FAM171B: variants seen among roughly 807,000 people sequenced by gnomAD.
The protein encoded by FAM171B is protein FAM171B.
A neutral mutation model predicts 75.6 loss-of-function variants in FAM171B; 19 were observed. The ratio of observed to expected loss-of-function variants is 0.25; its 90% CI spans 0.18 to 0.37. The LOEUF (loss-of-function observed/expected upper bound fraction) is 0.37. Ranked by LOEUF, FAM171B falls within the 10% of genes least tolerant of loss-of-function variation. FAM171B has a pLI of 1.00. For missense variants in FAM171B, 848 were observed against 982.4 expected (o/e 0.86, Z 1.83); for synonymous variants, 367 against 361.7 (o/e 1.01, Z -0.17).
chr2:186,765,043 A>G lies in FAM171B; in HGVS notation c.*2220A>G, dbSNP rs1377517021. On this transcript the variant is annotated 3_prime_UTR_variant, in exon 8 of 8. Coordinates refer to ENST00000304698, the MANE Select transcript of FAM171B (RefSeq NM_177454.4). ...TTGTTTGCTTTCAGAATAAAACCTT[A>G]TTATTTTTTACACTGCACATGCTGT... 2 of 151,904 alleles carry G rather than the reference A, an allele frequency of 1.3e-5. No homozygotes were observed. Among genetic ancestry groups the G allele is most frequent in the Non-Finnish European group, 2.9e-5 (2 of 67,868 alleles). 9.4% of individuals were successfully genotyped at this position (151,904 alleles called of 1,614,324 possible).
chr2:186,713,019 T>A (rs1332114328), intron 1 of FAM171B, among the ~76,000 whole-genome samples: 1 of 152,212 alleles, frequency 6.6e-6, no homozygotes, highest in Non-Finnish European at 1.5e-5. Context: ...GGGCAATCAA[T>A]CAACTGCTTT....
chr2:186,726,047 A>C (rs1690027772), intron 1 of FAM171B, among the ~76,000 whole-genome samples: 1 of 152,200 alleles, frequency 6.6e-6, no homozygotes, highest in South Asian at 2.1e-4. Flanking sequence ...CTTAAGTTGT[A>C]AAGGCTCTTT....
At chr2:186,724,687 G>A (rs1187714067) in intron 1 of FAM171B, among the ~76,000 whole-genome samples, 1 of 152,146 alleles carries the variant, frequency 6.6e-6, no homozygotes, top group Non-Finnish European at 1.5e-5. Flanking sequence ...AGAAAGTGAG[G>A]GAGTATGCCA....
At chr2:186,711,653 T>TA (rs1267057669) in intron 1 of FAM171B, among the ~76,000 whole-genome samples, 1 of 151,806 alleles carries the variant, frequency 6.6e-6, no homozygotes, top group Admixed American at 6.6e-5. Context: ...AAATTATTAT[T>TA]TTTTTTTGCC....
intron 1 of FAM171B, among the ~76,000 whole-genome samples, chr2:186,697,908 G>T (rs1689605362): frequency 6.6e-6 from 1 of 151,918 alleles, no homozygotes; most frequent in African/African-American, 2.4e-5. Context: ...TAAAAATCAG[G>T]ATTTAAAAAA....
At chr2:186,753,796 A>T in intron 5 of FAM171B, 137 bp from the exon 6 acceptor site, 1 of 578,938 alleles carries the variant, frequency 1.7e-6, no homozygotes. Flanking sequence ...TTATAATATG[A>T]TGTGATATAT....
At chr2:186,743,278 A>G (rs1283650571) in intron 2 of FAM171B, among the ~76,000 whole-genome samples, 1 of 152,124 alleles carries the variant, frequency 6.6e-6, no homozygotes, top group African/African-American at 2.4e-5. Context: ...GTGATAACCA[A>G]TGTTTTCTTC....
chr2:186,729,432 GTA>G (rs1690080974), intron 1 of FAM171B, among the ~76,000 whole-genome samples: 1 of 148,134 alleles, frequency 6.8e-6, no homozygotes, highest in Non-Finnish European at 1.5e-5. Context: ...AAATGCCAAA[GTA>G]TTTTTTTTTT....
rs571982229 is a variant in FAM171B, at chr2:186,716,740, A to T, written c.238+22329A>T. On this transcript the variant is annotated intron_variant, in intron 1 of 7. Transcript: ENST00000304698. ...ATTATATGGTATGTACATTTTCAAC[A>T]TTTCTAGGTCTGTTTAAGTTCCCCT... 1.3e-4 allele frequency among the ~76,000 whole-genome samples: 20 copies of T among 152,300 alleles called. No homozygotes were observed. In the East Asian group the frequency reaches 3.9e-3, roughly 29 times the overall value.
intron 1 of FAM171B, among the ~76,000 whole-genome samples, chr2:186,711,998 A>T (rs1689815822): frequency 6.6e-6 from 1 of 152,138 alleles, no homozygotes; most frequent in Admixed American, 6.6e-5. Flanking sequence ...TCTTGAGCTT[A>T]TGAATTTCTT....
chr2:186,743,386 A>T, intron 2 of FAM171B, 97 bp from the exon 3 acceptor site: 1 of 750,384 alleles, frequency 1.3e-6, no homozygotes, highest in Non-Finnish European at 2.2e-6. Flanking sequence ...CCCCCCCACA[A>T]CACACTTTTT....
rs557558364 is a variant in FAM171B, at chr2:186,719,986, G to A, written c.239-20242G>A. ...AACAAGATAATTTTAGAAATATTTA[G>A]TACCATGGTTGTGTGTTTGCAGTAT... is the stretch of plus-strand genomic sequence containing the variant. On this transcript the variant is annotated intron_variant, in intron 1 of 7. Coordinates refer to ENST00000304698, the MANE Select transcript of FAM171B (RefSeq NM_177454.4). Among the ~76,000 whole-genome samples the A allele has an allele frequency of 5.6e-4, 85 of 152,308 alleles. 2 individuals are homozygous for A. In the South Asian group the frequency reaches 0.016, roughly 28 times the overall value.
chr2:186,751,034 C>G, intron 4 of FAM171B, 100 bp from the exon 5 acceptor site: 1 of 847,558 alleles, frequency 1.2e-6, no homozygotes, highest in East Asian at 2.5e-5. Flanking sequence ...AATAGATAAC[C>G]CTTGGTGAAA....
At chr2:186,739,155 C>G (rs572070398) in intron 1 of FAM171B, among the ~76,000 whole-genome samples, 115 of 152,148 alleles carry the variant, frequency 7.6e-4, no homozygotes, top group African/African-American at 2.7e-3. Context: ...TAAAATAGTA[C>G]ACTTGTAAAG....
At chr2:186,698,729 C>T (rs36117902) in intron 1 of FAM171B, among the ~76,000 whole-genome samples, 47,084 of 151,898 alleles carry the variant, frequency 0.31, 7,992 homozygotes, top group Non-Finnish European at 0.39. Flanking sequence ...AGATCTTATT[C>T]GTTCTACCTG....
intron 1 of FAM171B, chr2:186,695,419 G>A (rs1254189965): frequency 6.6e-6 from 1 of 152,168 alleles, no homozygotes; most frequent in African/African-American, 2.4e-5. Context: ...GAGGGCTTAG[G>A]TTTTGTGAAA....
intron 1 of FAM171B, among the ~76,000 whole-genome samples, chr2:186,724,233 A>G (rs1436717718): frequency 1.3e-5 from 1 of 78,404 alleles, no homozygotes; most frequent in African/African-American, 3.1e-5. Context: ...ATTGATGATG[A>G]TATTTTATAT....
At chr2:186,748,739 AC>A (rs757986709) in intron 4 of FAM171B, among the ~76,000 whole-genome samples, 48 of 152,316 alleles carry the variant, frequency 3.2e-4, no homozygotes, top group Middle Eastern at 6.8e-3. Context: ...TCCTGGGATT[AC>A]TTACCAAATA....
At chr2:186,708,902 T>G (rs1383953169) in intron 1 of FAM171B, among the ~76,000 whole-genome samples, 2 of 152,192 alleles carry the variant, frequency 1.3e-5, no homozygotes, top group Non-Finnish European at 2.9e-5. Context: ...CCATGTATAT[T>G]AAGCCATTCT....
Sources: gnomAD v4.1 joint callset for allele counts (sites outside exome capture counted in the v4.1 genomes callset) on GRCh38, gnomAD v4.1.1 for gene constraint, MANE v1.5 for transcripts, NCBI Gene and HGNC (gene_info 2026-07-23, HGNC 2026-07-21) for gene names.